The following BCAS3 variants were observed in gnomAD, a reference collection of about 807,000 sequenced individuals.
BCAS3 encodes BCAS4/BCAS3 fusion.
A neutral mutation model predicts 116.1 loss-of-function variants in BCAS3; 53 were observed. The ratio of observed to expected loss-of-function variants is 0.46; its 90% confidence interval spans 0.37 to 0.57. The LOEUF (loss-of-function observed/expected upper bound fraction) is 0.57. Among genes scored for constraint, BCAS3 ranks in the 20% least tolerant of loss-of-function variants. The pLI, the probability that BCAS3 is intolerant of heterozygous loss-of-function variation, is 0.00. For missense variants in BCAS3, 917 were observed against 1,165.4 expected, an observed-to-expected ratio of 0.79 and a Z score of 3.10; for synonymous variants, 391 against 408.2, an observed-to-expected ratio of 0.96 and a Z score of 0.51.
At chr17:60,739,930 C>T (rs2041369637) in intron 5 of BCAS3, among the ~76,000 whole-genome samples, 1 of 150,272 alleles carries the variant, frequency 6.7e-6, no homozygotes, top group South Asian at 2.1e-4. Context: ...TCTCTTCTTG[C>T]TTGCATCGTT....
At chr17:61,143,802 C>G (rs1226705560) in intron 22 of BCAS3, among the ~76,000 whole-genome samples, 1 of 152,132 alleles carries the variant, frequency 6.6e-6, no homozygotes, top group Non-Finnish European at 1.5e-5. Flanking sequence ...GAGCAAGACT[C>G]TGTCTCAAAA....
At chr17:61,264,001 AATCCT>A (rs1477664348) in intron 22 of BCAS3, among the ~76,000 whole-genome samples, 2 of 152,206 alleles carry the variant, frequency 1.3e-5, no homozygotes, top group Non-Finnish European at 2.9e-5. Context: ...AAATCGACAT[AATCCT>A]ATCAGCGGGT....
chr17:61,057,831 T>A (rs1393250331), intron 19 of BCAS3, among the ~76,000 whole-genome samples: 2 of 152,180 alleles, frequency 1.3e-5, no homozygotes, highest in Non-Finnish European at 2.9e-5. Context: ...GAATTATTTC[T>A]TATTTCCAAG....
chr17:61,325,782 A>G lies in BCAS3; in HGVS notation c.2426-42545A>G. On this transcript the variant is annotated intron_variant, in intron 22 of 23. Coordinates refer to ENST00000407086, the MANE Select transcript of BCAS3 (RefSeq NM_017679.5). This position sits in a 1 kb window ranked among gnomAD's most constrained non-coding sequence, Gnocchi z 6.4. ...TTTTTAGGGAGGTGTTTTTGAAATG[A>G]GTGTCTCCATTTTTCCTGGTCTTGG... is the stretch of plus-strand genomic sequence containing the variant. Among the ~76,000 whole-genome samples the G allele has an allele frequency of 6.6e-6, 1 of 151,978 alleles. No individual in the cohort carries two copies. Among genetic ancestry groups the G allele is most frequent in the East Asian group, 1.9e-4 (1 of 5,188 alleles).
At chr17:60,827,713 C>T (rs776820129) in intron 7 of BCAS3, among the ~76,000 whole-genome samples, 4 of 151,352 alleles carry the variant, frequency 2.6e-5, no homozygotes, top group Non-Finnish European at 4.4e-5. Flanking sequence ...ATAGTTTTCT[C>T]ATGTTTCTTT....
rs149772722 is a variant in BCAS3, at chr17:61,322,856, C to CAGAGAGAGAGAG, written c.2426-45458_2426-45447dup. On this transcript the variant is annotated intron_variant, in intron 22 of 23. Coordinates refer to ENST00000407086, the MANE Select transcript of BCAS3 (RefSeq NM_017679.5). ...AGAGAGAGAGAGAGAGAGAGAGAGA[C>CAGAGAGAGAGAG]AGAGAGAGAGAGAGAGAGAGAGAGG... Among the ~76,000 whole-genome samples the CAGAGAGAGAGAG allele has an allele frequency of 2.7e-3, 165 of 60,494 alleles. 1 individual carries two copies. Among genetic ancestry groups the CAGAGAGAGAGAG allele is most frequent in the South Asian group, 0.013 (25 of 1,928 alleles). 39.7% of individuals were successfully genotyped at this position (60,494 alleles called of 152,430 possible). A position where few individuals can be genotyped will look rare whatever the true frequency, so the allele number is the denominator to read the frequency against.
At chr17:61,091,505 T>G (rs2073567206) in intron 22 of BCAS3, among the ~76,000 whole-genome samples, 1 of 152,212 alleles carries the variant, frequency 6.6e-6, no homozygotes, top group Non-Finnish European at 1.5e-5. Flanking sequence ...TTTTAAACTG[T>G]CTGCAAGAGC....
rs1025080760 is a variant in BCAS3, at chr17:61,323,748, C to T, written c.2426-44579C>T. On this transcript the variant is annotated intron_variant, in intron 22 of 23. Coordinates refer to ENST00000407086, the MANE Select transcript of BCAS3 (RefSeq NM_017679.5). The surrounding 1 kb of genome is among the most constrained non-coding windows in gnomAD (Gnocchi z 4.6). ...CAAGGATTCAGGGACCATTCATCAC[C>T]GTGGTGCCTAGTCCCCAGGAGGTCA... Among the ~76,000 whole-genome samples the T allele has an allele frequency of 6.6e-6, 1 of 152,156 alleles. No homozygotes were observed. Among genetic ancestry groups the T allele is most frequent in the African/African-American group, 2.4e-5 (1 of 41,430 alleles).
intron 7 of BCAS3, among the ~76,000 whole-genome samples, chr17:60,815,427 A>G (rs1192170590): frequency 1.3e-5 from 2 of 152,150 alleles, no homozygotes; most frequent in Non-Finnish European, 2.9e-5. Context: ...CATGTACCCT[A>G]GAACTTAAAG....
chr17:61,340,590 G>A (rs2057075202), intron 22 of BCAS3, among the ~76,000 whole-genome samples: 1 of 152,208 alleles, frequency 6.6e-6, no homozygotes, highest in Admixed American at 6.5e-5. Context: ...AGACCCGTTA[G>A]CATGGTGTGC....
chr17:61,157,524 T>TC (rs923636104), intron 22 of BCAS3: 1 of 149,870 alleles, frequency 6.7e-6, no homozygotes, highest in Non-Finnish European at 1.5e-5. Context: ...CTTTTCTCCC[T>TC]CCCTGCCTCT....
intron 13 of BCAS3, among the ~76,000 whole-genome samples, chr17:60,941,317 G>C (rs532418890): frequency 1.3e-5 from 2 of 152,220 alleles, no homozygotes; most frequent in South Asian, 2.1e-4. Context: ...GGCCAGGCCA[G>C]AGTCTGGTTT....
At position 61,333,873 on chromosome 17, in the gene BCAS3, G is replaced by A. The variant is rs1343308395; in HGVS notation, c.2426-34454G>A. On this transcript the variant is annotated intron_variant, in intron 22 of 23. Transcript: ENST00000407086. The surrounding 1 kb of genome is among the most constrained non-coding windows in gnomAD (Gnocchi z 4.8). ...TACCTCAAGTGATCCGCCCATCTCGGCCTCCCAAAGTGCTGGGATTACAGG... is the reference window on the plus strand; with the variant it reads ...TACCTCAAGTGATCCGCCCATCTCGACCTCCCAAAGTGCTGGGATTACAGG... 1.3e-5 allele frequency among the ~76,000 whole-genome samples: 2 copies of A among 152,096 alleles called. No homozygotes were observed. The highest frequency in any genetic ancestry group is 4.8e-5 in the African/African-American group (2 of 41,400).
At chr17:60,987,940 A>C (rs890278231) in intron 14 of BCAS3, among the ~76,000 whole-genome samples, 7 of 152,096 alleles carry the variant, frequency 4.6e-5, no homozygotes, top group African/African-American at 1.7e-4. Context: ...TTCCCTGTTC[A>C]GTAAGATACT....
At chr17:61,288,954 C>G (rs2052108349) in intron 22 of BCAS3, among the ~76,000 whole-genome samples, 1 of 152,186 alleles carries the variant, frequency 6.6e-6, no homozygotes, top group African/African-American at 2.4e-5. Context: ...TATCTATAAC[C>G]AATACAATGT....
intron 4 of BCAS3, among the ~76,000 whole-genome samples, chr17:60,699,951 CTGTT>C (rs1324978917): frequency 6.6e-6 from 1 of 150,962 alleles, no homozygotes; most frequent in Non-Finnish European, 1.5e-5. Flanking sequence ...AGGTGGAGGA[CTGTT>C]TGAGGTCAGA....
intron 7 of BCAS3, among the ~76,000 whole-genome samples, chr17:60,843,219 ATT>A (rs10716314): frequency 2.1e-4 from 29 of 136,036 alleles, no homozygotes; most frequent in African/African-American, 3.1e-4. Flanking sequence ...TTGTTTGTTA[ATT>A]TTTTTTTTTT....
At chr17:60,997,354 C>A (rs1224792822) in intron 15 of BCAS3, among the ~76,000 whole-genome samples, 1 of 152,044 alleles carries the variant, frequency 6.6e-6, no homozygotes, top group Non-Finnish European at 1.5e-5. Flanking sequence ...GTTCCTGGTC[C>A]CAGTGGATTT....
chr17:61,008,710 TAAA>T lies in BCAS3; in HGVS notation c.1487-7034_1487-7032del, dbSNP rs903457128. Among the ~76,000 whole-genome samples, 1 of 149,810 alleles carries T rather than the reference TAAA, an allele frequency of 6.7e-6. No homozygotes were observed. The highest frequency in any genetic ancestry group is 2.5e-5 in the African/African-American group (1 of 40,626). On this transcript the variant is annotated intron_variant, in intron 15 of 23. Coordinates refer to ENST00000407086, the MANE Select transcript of BCAS3 (RefSeq NM_017679.5). This position sits in a 1 kb window ranked among gnomAD's most constrained non-coding sequence, Gnocchi z 4.6. ...TACCAAAAAATAAAAAATAAAAAAATAAAAAAAAAGGCCCCGTAGAACTCATCA... is the reference window on the plus strand; with the variant it reads ...TACCAAAAAATAAAAAATAAAAAAATAAAAAAGGCCCCGTAGAACTCATCA...
Sources: gnomAD v4.1 joint callset for allele counts (sites outside exome capture counted in the v4.1 genomes callset) on GRCh38, gnomAD v4.1.1 for gene constraint, Gnocchi (gnomAD v3.1) non-coding constraint, MANE v1.5 for transcripts, NCBI Gene and HGNC (gene_info 2026-07-23, HGNC 2026-07-21) for gene names.